EHD1: variants seen among roughly 807,000 people sequenced by gnomAD.
The protein encoded by EHD1 is EH domain-containing protein 1.
In EHD1, 19 loss-of-function variants were observed where a neutral mutation model predicts 39.0. The ratio of observed to expected loss-of-function variants is 0.49; its 90% confidence interval spans 0.34 to 0.72. The LOEUF (loss-of-function observed/expected upper bound fraction) is 0.72, where lower values mean the gene tolerates loss of function less well. EHD1 is among the 30% of genes least tolerant of loss of function. EHD1 has a pLI of 0.01. For synonymous variants in EHD1, 323 were observed against 331.2 expected (o/e 0.98, Z 0.27); for missense variants, 542 against 751.5 (o/e 0.72, Z 3.26).
chr11:64,862,588 G>A (rs944477571), intron 2 of EHD1, among the ~76,000 whole-genome samples: 2 of 152,236 alleles, frequency 1.3e-5, no homozygotes, highest in African/African-American at 4.8e-5. Context: ...TTAAGCCAAT[G>A]ATTTTTGGGT....
chr11:64,863,113 G>T (rs1444393286), intron 2 of EHD1, among the ~76,000 whole-genome samples: 1 of 152,118 alleles, frequency 6.6e-6, no homozygotes, highest in Non-Finnish European at 1.5e-5. Flanking sequence ...AATGTAGGCC[G>T]GCCCTCTTCA....
intron 2 of EHD1, among the ~76,000 whole-genome samples, chr11:64,866,904 C>T (rs527911724): frequency 6.6e-6 from 1 of 152,108 alleles, no homozygotes; most frequent in Non-Finnish European, 1.5e-5. Flanking sequence ...TAATCAAGTG[C>T]ACAGAAAAGG....
Position 64,854,872 on chromosome 11 carries a change from G to A in EHD1, c.1081-15C>T, listed in dbSNP as rs759977545. Reference sequence around the variant, plus strand: ...TGCAGGAGTTCCTGTGGGCGGGGGAGGAAGGACAAGGGCTGGGAAGGGAGG... The same window carrying A: ...TGCAGGAGTTCCTGTGGGCGGGGGAAGAAGGACAAGGGCTGGGAAGGGAGG... On this transcript the variant is annotated splice_polypyrimidine_tract_variant and intron_variant, in intron 4 of 4. Transcript: ENST00000320631. 7.5e-6 allele frequency: 12 copies of A among 1,594,362 alleles called. No individual in the cohort carries two copies. Among genetic ancestry groups the A allele is most frequent in the Non-Finnish European group, 1.0e-5 (12 of 1,176,076 alleles).
chr11:64,878,739 G>A (rs1943920247), upstream of EHD1: 3 of 628,414 alleles, frequency 4.8e-6, no homozygotes, highest in Non-Finnish European at 7.2e-6. Context: ...TCCCAGCCCC[G>A]CCCCTCCGAC....
chr11:64,858,291 C>T (rs1272567458), intron 3 of EHD1, among the ~76,000 whole-genome samples: 3 of 151,440 alleles, frequency 2.0e-5, no homozygotes, highest in Admixed American at 6.6e-5. Context: ...AAGTGATTCT[C>T]CTGTCTCAGC....
intron 2 of EHD1, among the ~76,000 whole-genome samples, chr11:64,871,016 G>C (rs2136495799): frequency 6.6e-6 from 1 of 152,312 alleles, no homozygotes; most frequent in African/African-American, 2.4e-5. Flanking sequence ...GCCTGCACCA[G>C]CCCACCTTAT....
chr11:64,874,604 C>T (rs1327989009), intron 1 of EHD1, 86 bp from the exon 2 acceptor site: 11 of 1,070,334 alleles, frequency 1.0e-5, no homozygotes, highest in East Asian at 3.1e-5. Context: ...TGTACTCCTT[C>T]GCTCCATCTC....
In EHD1 at chr11:64,855,384, G is replaced by A. The variant is rs763317796; in HGVS notation, c.1018C>T (p.Gln340Ter). The A allele has an allele frequency of 6.2e-7, 1 of 1,614,132 alleles. No individual in the cohort carries two copies. Among genetic ancestry groups the A allele is most frequent in the Non-Finnish European group, 8.5e-7 (1 of 1,180,020 alleles). ...ELVNNLGEIYQKIEREHQISP... is the reference protein window; with the variant it reads ...ELVNNLGEIY ...ATCTGGTGCTCGCGCTCAATCTTCT[G>A]GTAGATCTCTCCGAGGTTGTTCACC... The change falls in exon 4 of 5, where the codon CAG (glutamine) becomes TAG (stop). Residue 340 changes from glutamine to a stop codon, truncating the protein, a stop_gained. Coordinates refer to ENST00000320631, the MANE Select transcript of EHD1 (RefSeq NM_006795.4). LOFTEE classifies it high-confidence loss of function.
At position 64,860,347 on chromosome 11, in the gene EHD1, G is replaced by A. The variant is rs763231410; in HGVS notation, c.503-11C>T. 1 of 1,602,466 alleles carries A rather than the reference G, an allele frequency of 6.2e-7. No homozygotes were observed. The highest frequency in any genetic ancestry group is 8.5e-7 in the Non-Finnish European group (1 of 1,171,456). On this transcript the variant is annotated splice_polypyrimidine_tract_variant and intron_variant, in intron 2 of 4. Coordinates refer to ENST00000320631, the MANE Select transcript of EHD1 (RefSeq NM_006795.4). ...CTGCAAAGTCATAGCCTGGGGGGAA[G>A]AGAAGGGAGAGCTCAGGGGCGCCAA...
chr11:64,854,541 T>C lies in EHD1; in HGVS notation c.1397A>G (p.Asn466Ser), dbSNP rs576194809. 113 of 1,614,156 alleles carry C rather than the reference T, an allele frequency of 7.0e-5. No homozygotes were observed. In the East Asian group the frequency reaches 1.8e-3, roughly 26 times the overall value. Residue 466 changes from asparagine to serine, a missense_variant, in exon 5 of 5, where the codon AAC (asparagine) becomes AGC (serine). Asn to Ser is a conservative substitution (Grantham distance 46, BLOSUM62 1). Coordinates refer to ENST00000320631, the MANE Select transcript of EHD1 (RefSeq NM_006795.4). ...GGACTTCACCATCTCCTTCTTGGCG[T>C]TGGCGCCCGTGATCTTGCCGTTGAC... The part of the protein sequence containing the change: ...SPVNGKITGA[N>S]AKKEMVKSKL...
In EHD1 at chr11:64,852,755, T is replaced by C. The variant is rs557129143; in HGVS notation, c.*1578A>G. ...CTTTCGCACAGTTCAGACTTTTTAA[T>C]GCAAGGAGAAAGTCTTCACTTCTCT... On this transcript the variant is annotated 3_prime_UTR_variant, in exon 5 of 5. Transcript: ENST00000320631. 6.5e-6 allele frequency: 1 copy of C among 152,710 alleles called. No individual in the cohort carries two copies. The highest frequency in any genetic ancestry group is 2.4e-5 in the African/African-American group (1 of 41,584). 9.5% of individuals were successfully genotyped at this position (152,710 alleles called of 1,614,324 possible).
rs1943691107 is a variant in EHD1, at chr11:64,859,662, A to G, written c.915+262T>C. ...CTGTTTCTGTGTTGTAAGCACAGTC[A>G]AACCCTTCCTGAAAGTAGATGGGGT... On this transcript the variant is annotated intron_variant, in intron 3 of 4. Transcript: ENST00000320631. The G allele has an allele frequency of 1.2e-5, 6 of 501,202 alleles. No homozygotes were observed. In the South Asian group the frequency reaches 1.5e-4, roughly 13 times the overall value. 31.0% of individuals were successfully genotyped at this position (501,202 alleles called of 1,614,324 possible).
Position 64,854,275 on chromosome 11 carries a change from C to G in EHD1, c.*58G>C. The G allele has an allele frequency of 2.0e-6, 3 of 1,528,070 alleles. No individual in the cohort carries two copies. The highest frequency in any genetic ancestry group is 2.6e-6 in the Non-Finnish European group (3 of 1,140,514). 94.7% of individuals were successfully genotyped at this position (1,528,070 alleles called of 1,614,324 possible). On this transcript the variant is annotated 3_prime_UTR_variant, in exon 5 of 5. Transcript: ENST00000320631. ...CTTGAGAAATGGTGAGGCTTCCCCT[C>G]CCCCCGTCTCTGCCTCCCGGCCGGG...
chr11:64,854,414 G>A lies in EHD1; in HGVS notation c.1524C>T (p.Ile508=). 1 of 1,614,048 alleles carries A rather than the reference G, an allele frequency of 6.2e-7. No individual in the cohort carries two copies. The highest frequency in any genetic ancestry group is 8.5e-7 in the Non-Finnish European group (1 of 1,179,968). The change falls in exon 5 of 5, where the codon ATC becomes ATT. Residue 508 remains isoleucine, a synonymous_variant. Transcript: ENST00000320631. ...DEEFALANHL[I]KVKLEGHELP... Reference sequence around the variant, plus strand: ...GCTCGTGGCCCTCCAGCTTGACCTTGATGAGGTGGTTGGCCAGCGCGAACT... The same window carrying A: ...GCTCGTGGCCCTCCAGCTTGACCTTAATGAGGTGGTTGGCCAGCGCGAACT...
Position 64,868,642 on chromosome 11 carries a change from T to C in EHD1, c.502+5779A>G, listed in dbSNP as rs1237165101. Among the ~76,000 whole-genome samples the C allele has an allele frequency of 6.6e-6, 1 of 152,182 alleles. No homozygotes were observed. The highest frequency in any genetic ancestry group is 1.5e-5 in the Non-Finnish European group (1 of 68,024). Reference sequence around the variant, plus strand: ...GGCAAAAGTTAGAGACAAAGGTCAGTGGGCTGCCTGGGACCAGGAGTGACT... The same window carrying C: ...GGCAAAAGTTAGAGACAAAGGTCAGCGGGCTGCCTGGGACCAGGAGTGACT... On this transcript the variant is annotated intron_variant, in intron 2 of 4. Coordinates refer to ENST00000320631, the MANE Select transcript of EHD1 (RefSeq NM_006795.4). The surrounding 1 kb of genome is among the most constrained non-coding windows in gnomAD (Gnocchi z 4.2).
At position 64,855,323 on chromosome 11, in the gene EHD1, T is replaced by C. The variant is rs753864789; in HGVS notation, c.1079A>G (p.Gln360Arg). 1 of 1,613,734 alleles carries C rather than the reference T, an allele frequency of 6.2e-7. No homozygotes were observed. The highest frequency in any genetic ancestry group is 8.5e-7 in the Non-Finnish European group (1 of 1,179,980). ...PGDFPSLRKM[Q>R]ELLQTQDFSK... Reference sequence around the variant, plus strand: ...CATGGGGCCTCGGGACAGCCGTACCTGCATCTTGCGGAGGCTCGGGAAGTC... The same window carrying C: ...CATGGGGCCTCGGGACAGCCGTACCCGCATCTTGCGGAGGCTCGGGAAGTC... The change falls in exon 4 of 5, where the codon CAG (glutamine) becomes CGG (arginine). Residue 360 changes from glutamine (Q) to arginine (R), a missense_variant and splice_region_variant. Coordinates refer to ENST00000320631, the MANE Select transcript of EHD1 (RefSeq NM_006795.4).
chr11:64,872,998 T>C (rs151023241), intron 2 of EHD1, among the ~76,000 whole-genome samples: 2 of 152,302 alleles, frequency 1.3e-5, no homozygotes, highest in East Asian at 3.9e-4. Flanking sequence ...TCTTATTTCA[T>C]TTTCACATTT....
chr11:64,874,568 T>A, intron 1 of EHD1, 50 bp from the exon 2 acceptor site: 1 of 1,451,136 alleles, frequency 6.9e-7, no homozygotes. Flanking sequence ...CAGTCATCAC[T>A]GCTCCGGACA....
At chr11:64,865,276 C>T (rs1420614305) in intron 2 of EHD1, among the ~76,000 whole-genome samples, 1 of 152,262 alleles carries the variant, frequency 6.6e-6, no homozygotes, top group Non-Finnish European at 1.5e-5. Context: ...CTCAAAGGCA[C>T]CTCACTCAGC....
Sources: allele counts gnomAD v4.1 joint callset (sites outside exome capture counted in the v4.1 genomes callset), GRCh38; gene constraint gnomAD v4.1.1; non-coding constraint Gnocchi (gnomAD v3.1); transcripts MANE v1.5; gene names NCBI Gene and HGNC (gene_info 2026-07-23, HGNC 2026-07-21).